PTPRD: variants seen among roughly 807,000 people sequenced by gnomAD.
PTPRD encodes the protein receptor-type tyrosine-protein phosphatase delta.
In PTPRD, 34 loss-of-function variants were observed where a neutral mutation model predicts 214.5. The observed-to-expected ratio is 0.16, with a 90% CI of 0.12 to 0.21. The LOEUF (loss-of-function observed/expected upper bound fraction) is 0.21, where lower values mean the gene tolerates loss of function less well. Ranked by LOEUF, PTPRD falls within the 10% of genes least tolerant of loss-of-function variation. The pLI is 1.00. For synonymous variants in PTPRD, 1,128 were observed against 845.7 expected (o/e 1.33, Z -5.79); for missense variants, 2,545 against 2,398.7 (o/e 1.06, Z -1.27).
At chr9:9,676,856 T>C (rs1208642010) in intron 7 of PTPRD, among the ~76,000 whole-genome samples, 1 of 152,206 alleles carries the variant, frequency 6.6e-6, no homozygotes, top group Non-Finnish European at 1.5e-5. Flanking sequence ...TGGTTTTGAT[T>C]TGCATTTCTC....
chr9:9,220,368 G>A (rs1385424273), intron 9 of PTPRD, among the ~76,000 whole-genome samples: 2 of 144,808 alleles, frequency 1.4e-5, no homozygotes, highest in Non-Finnish European at 3.0e-5. Flanking sequence ...AAGTTTTTTT[G>A]AGTTTAGAGG....
chr9:9,632,198 T>A (rs2095616735), intron 7 of PTPRD, among the ~76,000 whole-genome samples: 1 of 152,194 alleles, frequency 6.6e-6, no homozygotes, highest in Admixed American at 6.5e-5. Flanking sequence ...ATCTGTATGA[T>A]GGACTATTAC....
At chr9:8,679,044 G>A (rs1008917262) in intron 12 of PTPRD, among the ~76,000 whole-genome samples, 1 of 152,148 alleles carries the variant, frequency 6.6e-6, no homozygotes, top group Non-Finnish European at 1.5e-5. Flanking sequence ...GACCCTGTTC[G>A]AAGTACATAG....
intron 45 of PTPRD, among the ~76,000 whole-genome samples, chr9:8,318,957 A>G (rs371070803): frequency 1.8e-4 from 27 of 152,094 alleles, no homozygotes; most frequent in African/African-American, 6.0e-4. Context: ...TGTAATAAAA[A>G]TGGTTGGTAA....
intron 5 of PTPRD, among the ~76,000 whole-genome samples, chr9:9,932,042 A>G (rs1166643613): frequency 6.6e-6 from 1 of 151,670 alleles, no homozygotes. Context: ...AAAACTAACA[A>G]ACAGAAAGGA....
intron 7 of PTPRD, among the ~76,000 whole-genome samples, chr9:9,625,898 G>A (rs562282221): frequency 2.0e-5 from 3 of 152,136 alleles, no homozygotes; most frequent in Non-Finnish European, 4.4e-5. Flanking sequence ...TAGAGCAGGA[G>A]TCAGCAGACT....
In PTPRD at chr9:9,875,483, A is replaced by G. The variant is rs185281511; in HGVS notation, c.-368+63024T>C. Among the ~76,000 whole-genome samples, 29 of 151,954 alleles carry G rather than the reference A, an allele frequency of 1.9e-4. 1 individual carries two copies. Among genetic ancestry groups the G allele is most frequent in the African/African-American group, 5.3e-4 (22 of 41,380 alleles). Reference sequence around the variant, plus strand: ...ATGCAAACCAAAGAGTATCTGACCAATCTACACTGCCTTCTTATTTTACTT... The same window carrying G: ...ATGCAAACCAAAGAGTATCTGACCAGTCTACACTGCCTTCTTATTTTACTT... On this transcript the variant is annotated intron_variant, in intron 5 of 45. Coordinates refer to ENST00000381196, the MANE Select transcript of PTPRD (RefSeq NM_002839.4).
intron 5 of PTPRD, among the ~76,000 whole-genome samples, chr9:9,810,789 C>A (rs2046901282): frequency 6.6e-6 from 1 of 151,746 alleles, no homozygotes; most frequent in Non-Finnish European, 1.5e-5. Context: ...TATTGTTAAA[C>A]AAATACATCT....
intron 9 of PTPRD, among the ~76,000 whole-genome samples, chr9:9,297,063 G>A (rs1272752098): frequency 2.6e-5 from 4 of 151,654 alleles, no homozygotes; most frequent in Non-Finnish European, 5.9e-5. Context: ...GAGTTAAAAT[G>A]CACTGCATGT....
At chr9:9,924,146 C>T (rs927654367) in intron 5 of PTPRD, among the ~76,000 whole-genome samples, 7 of 151,892 alleles carry the variant, frequency 4.6e-5, no homozygotes, top group Non-Finnish European at 8.8e-5. Flanking sequence ...CCAGAAACAA[C>T]ACATTGAGAG....
chr9:8,462,248 C>G (rs751945749), intron 32 of PTPRD, among the ~76,000 whole-genome samples: 1 of 151,874 alleles, frequency 6.6e-6, no homozygotes, highest in Non-Finnish European at 1.5e-5. Context: ...ACTGATTTTA[C>G]CTTACAGAAA....
Position 9,368,199 on chromosome 9 carries a change from A to G in PTPRD, c.-203+29250T>C, listed in dbSNP as rs371092556. On this transcript the variant is annotated intron_variant, in intron 9 of 45. Transcript: ENST00000381196. ...CATTTATATCCTACTTCTTCCACTT[A>G]TTAACCAAGTGACCCTAGTAAATTC... Among the ~76,000 whole-genome samples, 9 of 151,898 alleles carry G rather than the reference A, an allele frequency of 5.9e-5. No homozygotes were observed. In the South Asian group the frequency reaches 1.7e-3, roughly 28 times the overall value.
chr9:10,184,217 G>A (rs979024772), intron 3 of PTPRD, among the ~76,000 whole-genome samples: 1 of 152,064 alleles, frequency 6.6e-6, no homozygotes, highest in African/African-American at 2.4e-5. Flanking sequence ...TTGATGTCAG[G>A]GGTTCGAGAC....
At chr9:10,223,217 C>A (rs2099577175) in intron 3 of PTPRD, among the ~76,000 whole-genome samples, 1 of 151,872 alleles carries the variant, frequency 6.6e-6, no homozygotes, top group African/African-American at 2.4e-5. Flanking sequence ...TCTCCCCCTT[C>A]TCCCCTTCCT....
At chr9:10,240,862 A>G (rs1222638489) in intron 3 of PTPRD, among the ~76,000 whole-genome samples, 1 of 151,878 alleles carries the variant, frequency 6.6e-6, no homozygotes, top group East Asian at 1.9e-4. Flanking sequence ...CATCAAAATT[A>G]AAATAATTAG....
rs1401109481 is a variant in PTPRD, at chr9:8,948,611, ATTTAAT to A, written c.-104+70080_-104+70085del. The stretch of plus-strand genomic sequence containing the variant: ...CACACAATGAAACGACATAGCTGTT[ATTTAAT>A]TTTAAGAGTGGGACATTTTCAGATT... On this transcript the variant is annotated intron_variant, in intron 11 of 45. Transcript: ENST00000381196. Among the ~76,000 whole-genome samples, 3 of 125,930 alleles carry A rather than the reference ATTTAAT, an allele frequency of 2.4e-5. No individual in the cohort carries two copies. The East Asian group carries it at 6.7e-4, about 28-fold the overall frequency. The allele number at this position is 125,930 out of a possible 152,430, so 82.6% of individuals were successfully genotyped here.
At chr9:8,774,545 T>C (rs1335352528) in intron 11 of PTPRD, among the ~76,000 whole-genome samples, 1 of 143,830 alleles carries the variant, frequency 7.0e-6, no homozygotes, top group Non-Finnish European at 1.5e-5. Context: ...TTTTTTTTTT[T>C]TTTTTTGAAA....
At chr9:9,337,454 A>G (rs1332800) in intron 9 of PTPRD, among the ~76,000 whole-genome samples, 28,183 of 152,024 alleles carry the variant, frequency 0.19, 2,910 homozygotes, top group East Asian at 0.36. Flanking sequence ...CATGCCAAGA[A>G]CACTCCCAGT....
chr9:10,212,741 G>C (rs1414439806), intron 3 of PTPRD, among the ~76,000 whole-genome samples: 3 of 152,134 alleles, frequency 2.0e-5, no homozygotes, highest in African/African-American at 7.2e-5. Context: ...TTACTGTATT[G>C]TCAAGAGGAA....
Sources: allele counts gnomAD v4.1 joint callset (sites outside exome capture counted in the v4.1 genomes callset), GRCh38; gene constraint gnomAD v4.1.1; transcripts MANE v1.5; gene names NCBI Gene and HGNC (gene_info 2026-07-23, HGNC 2026-07-21).